The following INSR variants were observed in gnomAD, a reference collection of about 807,000 sequenced individuals.
INSR encodes IR.
Under a neutral mutation model 142.6 loss-of-function variants are expected in INSR, and 67 were observed. That is an observed-to-expected ratio of 0.47 (90% CI 0.39 to 0.58). INSR has a LOEUF of 0.58. INSR is among the 20% of genes least tolerant of loss of function. The probability of loss-of-function intolerance (pLI) is 0.00; values close to 1 mark genes in which losing one functional copy is unlikely to be tolerated. For missense variants in INSR, 1,248 were observed against 1,833.2 expected (o/e 0.68, Z 5.83); for synonymous variants, 756 against 743.1 (o/e 1.02, Z -0.28).
chr19:7,248,710 G>A (rs1976609263), intron 2 of INSR, among the ~76,000 whole-genome samples: 1 of 149,988 alleles, frequency 6.7e-6, no homozygotes, highest in Admixed American at 6.6e-5. Flanking sequence ...GCAAGAACAA[G>A]TTCTGAAGAA....
chr19:7,265,004 T>C (rs1967677615), intron 2 of INSR, among the ~76,000 whole-genome samples: 1 of 152,208 alleles, frequency 6.6e-6, no homozygotes, highest in Non-Finnish European at 1.5e-5. Context: ...CCCAGAGCGT[T>C]GGGCTCAGAT....
intron 2 of INSR, among the ~76,000 whole-genome samples, chr19:7,206,596 G>T (rs1205347144): frequency 6.6e-6 from 1 of 152,144 alleles, no homozygotes; most frequent in Non-Finnish European, 1.5e-5. Context: ...TGGGTTGCAC[G>T]CTCTTTATGA....
chr19:7,172,545 A>G (rs2144955600), intron 4 of INSR, 111 bp from the exon 5 acceptor site: 1 of 1,144,578 alleles, frequency 8.7e-7, no homozygotes, highest in East Asian at 2.3e-5. Flanking sequence ...GGACATACCC[A>G]GCTCAAAACT....
At chr19:7,229,320 GGATGGATGGATA>G (rs1279046736) in intron 2 of INSR, among the ~76,000 whole-genome samples, 37 of 66,612 alleles carry the variant, frequency 5.6e-4, no homozygotes, top group East Asian at 1.5e-3. Flanking sequence ...ATGGATGGAT[GGATGGATGGATA>G]GATGGATGGA....
At chr19:7,157,281 T>C (rs2144911885) in intron 9 of INSR, among the ~76,000 whole-genome samples, 1 of 150,510 alleles carries the variant, frequency 6.6e-6, no homozygotes, top group East Asian at 2.0e-4. Flanking sequence ...GCCTGGCATT[T>C]TTTTTGTATT....
At chr19:7,189,055 A>G (rs1974508697) in intron 2 of INSR, among the ~76,000 whole-genome samples, 1 of 152,166 alleles carries the variant, frequency 6.6e-6, no homozygotes, top group Non-Finnish European at 1.5e-5. Context: ...ATAATTATCA[A>G]CATCATTAAC....
intron 2 of INSR, among the ~76,000 whole-genome samples, chr19:7,207,928 GGA>G (rs1975152649): frequency 7.6e-6 from 1 of 130,870 alleles, no homozygotes; most frequent in African/African-American, 2.9e-5. Flanking sequence ...AAGGAAGGAA[GGA>G]AGGAAGGAAG....
chr19:7,212,977 C>T (rs1975320676), intron 2 of INSR, among the ~76,000 whole-genome samples: 1 of 152,150 alleles, frequency 6.6e-6, no homozygotes, highest in Non-Finnish European at 1.5e-5. Flanking sequence ...CACAAGGATC[C>T]CAGGCCAGCA....
chr19:7,131,560 A>G (rs1599880980), intron 14 of INSR, among the ~76,000 whole-genome samples: 1 of 144,886 alleles, frequency 6.9e-6, no homozygotes, highest in African/African-American at 2.5e-5. Flanking sequence ...GTTGGCCAGG[A>G]TGGTCTCGAT....
At chr19:7,243,250 T>G (rs534719130) in intron 2 of INSR, among the ~76,000 whole-genome samples, 9,978 of 131,976 alleles carry the variant, frequency 0.076, 496 homozygotes, top group Non-Finnish European at 0.1. Flanking sequence ...TTTTTTTTTT[T>G]TTTTTTTTTT....
At chr19:7,230,930 G>C (rs367792292) in intron 2 of INSR, among the ~76,000 whole-genome samples, 27 of 152,196 alleles carry the variant, frequency 1.8e-4, no homozygotes, top group East Asian at 5.8e-4. Flanking sequence ...GTGCAGAAGA[G>C]AGACTATCTA....
Position 7,269,971 on chromosome 19 carries a change from T to C in INSR, c.101-2075A>G, listed in dbSNP as rs140979873. 9.9e-5 allele frequency among the ~76,000 whole-genome samples: 15 copies of C among 152,196 alleles called. 1 individual carries two copies. In the East Asian group the frequency reaches 2.9e-3, roughly 29 times the overall value. Reference sequence around the variant, plus strand: ...TGAAATTCTTGTGGGGTTTTTGTTGTTGTTGTTTTGATGTGGAGTCTCGTT... The same window carrying C: ...TGAAATTCTTGTGGGGTTTTTGTTGCTGTTGTTTTGATGTGGAGTCTCGTT... On this transcript the variant is annotated intron_variant, in intron 1 of 21. Coordinates refer to ENST00000302850, the MANE Select transcript of INSR (RefSeq NM_000208.4).
At chr19:7,235,407 T>C (rs1976126914) in intron 2 of INSR, among the ~76,000 whole-genome samples, 1 of 152,084 alleles carries the variant, frequency 6.6e-6, no homozygotes, top group East Asian at 1.9e-4. Context: ...GGAAAGAAAA[T>C]TTCCAGGACT....
chr19:7,144,046 C>A (rs1421368712), intron 11 of INSR, among the ~76,000 whole-genome samples: 1 of 146,282 alleles, frequency 6.8e-6, no homozygotes, highest in Non-Finnish European at 1.5e-5. Flanking sequence ...CAGAGTGAGA[C>A]TCTGTCTCAA....
intron 2 of INSR, among the ~76,000 whole-genome samples, chr19:7,232,660 A>T (rs1190024224): frequency 6.6e-6 from 1 of 152,030 alleles, no homozygotes; most frequent in South Asian, 2.1e-4. Flanking sequence ...ACTACAAAAA[A>T]TCAGCCAGGC....
chr19:7,132,025 G>T (rs554042899), intron 14 of INSR, 133 bp downstream of exon 14: 1 of 1,075,002 alleles, frequency 9.3e-7, no homozygotes, highest in Non-Finnish European at 1.4e-6. Flanking sequence ...GGCAAGCACC[G>T]CAGCAGCTGA....
At chr19:7,273,825 C>T (rs992504681) in intron 1 of INSR, among the ~76,000 whole-genome samples, 5 of 151,652 alleles carry the variant, frequency 3.3e-5, no homozygotes, top group South Asian at 2.1e-4. Flanking sequence ...CCACCATCTC[C>T]GTACTAAAAT....
At chr19:7,215,724 C>G (rs963307107) in intron 2 of INSR, among the ~76,000 whole-genome samples, 1 of 151,838 alleles carries the variant, frequency 6.6e-6, no homozygotes, top group African/African-American at 2.4e-5. Flanking sequence ...CATGCCACCA[C>G]GCCTGGCTAA....
intron 13 of INSR, among the ~76,000 whole-genome samples, chr19:7,135,827 G>A (rs1972908352): frequency 1.3e-5 from 2 of 151,810 alleles, no homozygotes; most frequent in Non-Finnish European, 2.9e-5. Flanking sequence ...AATTAGCCGG[G>A]CGAGGTCGTG....
Sources: gnomAD v4.1 joint callset for allele counts (sites outside exome capture counted in the v4.1 genomes callset) on GRCh38, gnomAD v4.1.1 for gene constraint, MANE v1.5 for transcripts, NCBI Gene and HGNC (gene_info 2026-07-23, HGNC 2026-07-21) for gene names.